FUT8: variants seen among roughly 807,000 people sequenced by gnomAD.
The protein encoded by FUT8 is fucosyltransferase 8, also known as alpha-(1,6)-fucosyltransferase.
A neutral mutation model predicts 71.3 loss-of-function variants in FUT8; 29 were observed. The observed-to-expected ratio is 0.41, with a 90% CI of 0.30 to 0.55. The LOEUF is 0.55. Ranked by LOEUF, FUT8 falls within the 20% of genes least tolerant of loss-of-function variation. FUT8 has a pLI of 0.34. For synonymous variants in FUT8, 254 were observed against 239.3 expected, an observed-to-expected ratio of 1.06 and a Z score of -0.57; for missense variants, 544 against 702.1, an observed-to-expected ratio of 0.77 and a Z score of 2.55.
rs185354915 is a variant in FUT8 at position 65,476,958 on chromosome 14, T to C, written c.-228+21240T>C. Reference sequence around the variant, plus strand: ...TAGGAAATTTTCACTGTAAATTATATACTGGATGATTGAATTTTTAGAATT... The same window carrying C: ...TAGGAAATTTTCACTGTAAATTATACACTGGATGATTGAATTTTTAGAATT... On this transcript the variant is annotated intron_variant, in intron 2 of 10. Transcript: ENST00000673929. Among the ~76,000 whole-genome samples the C allele has an allele frequency of 8.1e-4, 124 of 152,350 alleles. 2 individuals carry two copies. Among genetic ancestry groups the C allele is most frequent in the Admixed American group, 8.1e-3 (124 of 15,294 alleles).
the FUT8 span, among the ~76,000 whole-genome samples, chr14:65,376,986 T>C: frequency 6.6e-6 from 1 of 152,190 alleles, no homozygotes; most frequent in Non-Finnish European, 1.5e-5. Flanking sequence ...TTCATTTTAA[T>C]TGTTTTGATG....
At chr14:65,466,426 G>A (rs72714446) in intron 2 of FUT8, among the ~76,000 whole-genome samples, 9,756 of 152,028 alleles carry the variant, frequency 0.064, 431 homozygotes, top group Non-Finnish European at 0.091. Context: ...TTTGTCTCCT[G>A]TTTTAAAATA....
At chr14:65,737,304 C>T (rs1594952346) in intron 10 of FUT8, among the ~76,000 whole-genome samples, 1 of 152,130 alleles carries the variant, frequency 6.6e-6, no homozygotes, top group Admixed American at 6.6e-5. Context: ...GTCCTAAAAG[C>T]CTCATAAATT....
intron 1 of FUT8, among the ~76,000 whole-genome samples, chr14:65,432,790 C>T (rs2139436134): frequency 6.6e-6 from 1 of 152,256 alleles, no homozygotes; most frequent in Admixed American, 6.5e-5. Context: ...ATGGCAATGT[C>T]AGGAAGTTAC....
chr14:65,357,930 C>T, the FUT8 span, among the ~76,000 whole-genome samples: 7 of 152,138 alleles, frequency 4.6e-5, no homozygotes, highest in African/African-American at 1.7e-4. Flanking sequence ...GTGAAGTAAA[C>T]TGGGCACAGA....
the FUT8 span, among the ~76,000 whole-genome samples, chr14:65,391,863 C>T: frequency 4.6e-5 from 7 of 152,016 alleles, no homozygotes; most frequent in African/African-American, 7.2e-5. Flanking sequence ...CTCAAGTGAT[C>T]CACCCGCCTC....
chr14:65,625,075 A>AAAT (rs1889824704), intron 5 of FUT8, among the ~76,000 whole-genome samples: 1 of 151,496 alleles, frequency 6.6e-6, no homozygotes, highest in African/African-American at 2.4e-5. Flanking sequence ...ATAAATAAAT[A>AAAT]AATAAATAAA....
At chr14:65,438,125 A>G (rs1487287477) in intron 1 of FUT8, among the ~76,000 whole-genome samples, 1 of 152,178 alleles carries the variant, frequency 6.6e-6, no homozygotes, top group Non-Finnish European at 1.5e-5. Flanking sequence ...TTGTTTGTCC[A>G]TTTCCTCTCT....
At chr14:65,688,973 A>C (rs1382643884) in intron 7 of FUT8, among the ~76,000 whole-genome samples, 1 of 152,050 alleles carries the variant, frequency 6.6e-6, no homozygotes, top group African/African-American at 2.4e-5. Flanking sequence ...CTCTACCTTC[A>C]TTATCTCATG....
rs762621605 is a variant in FUT8, at chr14:65,610,669, G to C, written c.204-5309G>C. On this transcript the variant is annotated intron_variant, in intron 3 of 10. Transcript: ENST00000673929. ...CTCCCAAAGTGCTGGGATTACAGGC[G>C]TGAGCCACTGCACCCAGCCATTTCT... Among the ~76,000 whole-genome samples the C allele has an allele frequency of 5.6e-4, 85 of 151,978 alleles. 1 individual carries two copies. The highest frequency in any genetic ancestry group is 7.9e-4 in the Admixed American group (12 of 15,226).
At chr14:65,687,210 TTAA>T (rs1167222362) in intron 7 of FUT8, among the ~76,000 whole-genome samples, 1 of 152,232 alleles carries the variant, frequency 6.6e-6, no homozygotes, top group Non-Finnish European at 1.5e-5. Context: ...TTTCCCATCC[TTAA>T]TAATTTTACC....
chr14:65,644,456 T>C (rs1891022945), intron 6 of FUT8, among the ~76,000 whole-genome samples: 1 of 151,748 alleles, frequency 6.6e-6, no homozygotes, highest in Non-Finnish European at 1.5e-5. Flanking sequence ...GCCTCCCGGG[T>C]TCACGCCATT....
In FUT8 at chr14:65,561,437, T is replaced by C; in HGVS notation, c.-127T>C. The C allele has an allele frequency of 1.2e-6, 1 of 804,096 alleles. No homozygotes were observed. Among genetic ancestry groups the C allele is most frequent in the Non-Finnish European group, 2.1e-6 (1 of 486,350 alleles). 49.8% of individuals were successfully genotyped at this position (804,096 alleles called of 1,614,324 possible). A position where few individuals can be genotyped will look rare whatever the true frequency, so the allele number is the denominator to read the frequency against. ...CTGCAGGACTACCAGAGAGAATAAT[T>C]TGTCTGAAGCATCATGTGTTGAAAC... is the stretch of plus-strand genomic sequence containing the variant. On this transcript the variant is annotated 5_prime_UTR_variant, in exon 3 of 11. Coordinates refer to ENST00000673929, the MANE Select transcript of FUT8 (RefSeq NM_001371533.1).
At chr14:65,594,632 T>A (rs111947190) in intron 3 of FUT8, among the ~76,000 whole-genome samples, 2 of 152,090 alleles carry the variant, frequency 1.3e-5, no homozygotes, top group African/African-American at 4.8e-5. Flanking sequence ...GTCATGCAGA[T>A]GAACTGAAGG....
chr14:65,375,353 C>T, the FUT8 span, among the ~76,000 whole-genome samples: 1 of 152,030 alleles, frequency 6.6e-6, no homozygotes, highest in Non-Finnish European at 1.5e-5. Flanking sequence ...GGTGGGGTGG[C>T]TCACACCTGT....
chr14:65,730,646 T>C (rs1895934854), intron 9 of FUT8, among the ~76,000 whole-genome samples: 1 of 151,932 alleles, frequency 6.6e-6, no homozygotes, highest in South Asian at 2.1e-4. Context: ...CACTCCAGCC[T>C]GGGCGACAGA....
At chr14:65,561,906 A>C (rs1019607848) in intron 3 of FUT8, 140 bp downstream of exon 3, 4 of 713,882 alleles carry the variant, frequency 5.6e-6, no homozygotes, top group African/African-American at 1.8e-5. Context: ...ACAGTTTTCT[A>C]TCTCTGTGTA....
At chr14:65,589,380 G>A (rs1348380449) in intron 3 of FUT8, among the ~76,000 whole-genome samples, 1 of 150,880 alleles carries the variant, frequency 6.6e-6, no homozygotes, top group African/African-American at 2.4e-5. Context: ...GAACACCATG[G>A]CACTTCCCAG....
rs534119537 is a variant in FUT8 at position 65,583,478 on chromosome 14, T to C, written c.203+21712T>C. Among the ~76,000 whole-genome samples, 6 of 152,312 alleles carry C rather than the reference T, an allele frequency of 3.9e-5. No individual in the cohort carries two copies. The East Asian group carries it at 9.6e-4, about 24-fold the overall frequency. ...ATTGTGAAAGGTATTAGAGATAATATTTTTTGTAGGTCAGGCCACAATCAC... is the reference window on the plus strand; with the variant it reads ...ATTGTGAAAGGTATTAGAGATAATACTTTTTGTAGGTCAGGCCACAATCAC... On this transcript the variant is annotated intron_variant, in intron 3 of 10. Coordinates refer to ENST00000673929, the MANE Select transcript of FUT8 (RefSeq NM_001371533.1).
Sources: allele counts gnomAD v4.1 joint callset (sites outside exome capture counted in the v4.1 genomes callset), GRCh38; gene constraint gnomAD v4.1.1; transcripts MANE v1.5; gene names NCBI Gene and HGNC (gene_info 2026-07-23, HGNC 2026-07-21).